SERBP1: variants seen among roughly 807,000 people sequenced by gnomAD.
SERBP1 encodes the protein SERPINE1 mRNA binding protein 1, also known as SERPINE1 mRNA-binding protein 1.
Under a neutral mutation model 50.2 loss-of-function variants are expected in SERBP1, and 6 were observed. The observed-to-expected ratio is 0.12, with a 90% CI of 0.07 to 0.24. The LOEUF (loss-of-function observed/expected upper bound fraction) is 0.24, where lower values mean the gene tolerates loss of function less well. Ranked by LOEUF, SERBP1 falls within the 10% of genes least tolerant of loss-of-function variation. The pLI is 1.00. For missense variants in SERBP1, 346 were observed against 524.9 expected (o/e 0.66, Z 3.33); for synonymous variants, 168 against 182.8 (o/e 0.92, Z 0.65).
chr1:67,415,268 C>A lies in SERBP1; in HGVS notation c.1023G>T (p.Glu341Asp), dbSNP rs763463886. ...KPANDITSQLEINFGDLGRPG... is the reference protein window; with the variant it reads ...KPANDITSQLDINFGDLGRPG... The stretch of plus-strand genomic sequence containing the variant: ...GGCGGCCAAGGTCTCCAAAATTGAT[C>A]TCCAGCTGAGACGTTATATCATTTG... The change falls in exon 7 of 8, where the codon GAG becomes GAT. Residue 341 changes from glutamate (E) to aspartate (D), a missense_variant. Around this residue, in one of 5 missense-constraint regions of SERBP1, gnomAD observed 68 missense variants for 97.3 expected, o/e 0.70. Transcript: ENST00000361219. 1.9e-6 allele frequency: 3 copies of A among 1,612,680 alleles called. No homozygotes were observed. The South Asian group carries it at 3.3e-5, about 18-fold the overall frequency.
Position 67,430,223 on chromosome 1 carries a change from G to A in SERBP1, c.78C>T (p.Asp26=), listed in dbSNP as rs767456799. 5.0e-6 allele frequency: 8 copies of A among 1,595,012 alleles called. No homozygotes were observed. The highest frequency in any genetic ancestry group is 3.6e-5 in the Admixed American group (2 of 54,894). ...CTGCTGCCTTCAGCACCTCGAAGGGGTCCGATTCGTCGTCAAATAACTGGT... is the reference window on the plus strand; with the variant it reads ...CTGCTGCCTTCAGCACCTCGAAGGGATCCGATTCGTCGTCAAATAACTGGT... ...RFDQLFDDES[D]PFEVLKAAEN... is the part of the protein sequence containing the mutation. Residue 26 remains aspartate, a synonymous_variant, in exon 1 of 8, where the codon GAC becomes GAT. Transcript: ENST00000361219.
intron 5 of SERBP1, among the ~76,000 whole-genome samples, chr1:67,421,935 C>CAA (rs1667212085): frequency 6.6e-6 from 1 of 151,722 alleles, no homozygotes. Flanking sequence ...GACTGTGTCT[C>CAA]AAAGAAACAA....
At chr1:67,420,682 T>C (rs1667171360) in intron 5 of SERBP1, 1 of 152,470 alleles carries the variant, frequency 6.6e-6, no homozygotes, top group African/African-American at 2.4e-5. Flanking sequence ...CTCTATGCTT[T>C]GTTTCAGCAA....
chr1:67,428,380 A>C (rs777091146), intron 1 of SERBP1, among the ~76,000 whole-genome samples: 1 of 152,384 alleles, frequency 6.6e-6, no homozygotes, highest in Admixed American at 6.5e-5. Context: ...AAAATAACTC[A>C]GGCATTTAAA....
Position 67,411,834 on chromosome 1 carries a change from A to G in SERBP1, c.*1373T>C, listed in dbSNP as rs902527424. On this transcript the variant is annotated 3_prime_UTR_variant, in exon 8 of 8. Transcript: ENST00000361219. ...AAATTCCTTCACTGTTTATCAATAA[A>G]TGTGGCAGAATAAAAGACAATCCTA... 1 of 152,212 alleles carries G rather than the reference A, an allele frequency of 6.6e-6. No individual in the cohort carries two copies. The allele number at this position is 152,212 out of a possible 1,614,324, so 9.4% of individuals were successfully genotyped here. A position where few individuals can be genotyped will look rare whatever the true frequency, so the allele number is the denominator to read the frequency against.
At chr1:67,419,758 T>C (rs964317406) in intron 6 of SERBP1, 2 of 462,244 alleles carry the variant, frequency 4.3e-6, no homozygotes, top group Non-Finnish European at 7.7e-6. Context: ...TACAAGATAC[T>C]CCACTAACAG....
chr1:67,415,900 A>G (rs1242602923), intron 6 of SERBP1, among the ~76,000 whole-genome samples: 2 of 152,222 alleles, frequency 1.3e-5, no homozygotes, highest in African/African-American at 2.4e-5. Flanking sequence ...GTTTTTCTAC[A>G]CAAATTGGAG....
intron 5 of SERBP1, among the ~76,000 whole-genome samples, chr1:67,422,555 CT>C (rs1425172228): frequency 6.6e-6 from 1 of 151,902 alleles, no homozygotes; most frequent in African/African-American, 2.4e-5. Flanking sequence ...ACATCTGCCC[CT>C]CCCACCCCCC....
rs758118581 is a variant in SERBP1 at position 67,419,990 on chromosome 1, C to A, written c.951+19G>T. The stretch of plus-strand genomic sequence containing the variant: ...AGTCACATCTGAACATTTTCAAACA[C>A]GACAAAACTTAATTTTACCTCTTCA... On this transcript the variant is annotated intron_variant, in intron 6 of 7. Coordinates refer to ENST00000361219, the MANE Select transcript of SERBP1 (RefSeq NM_001018069.2). The A allele has an allele frequency of 5.0e-6, 8 of 1,609,054 alleles. No homozygotes were observed. The Admixed American group carries it at 1.0e-4, about 20-fold the overall frequency.
rs1666871404 is a variant in SERBP1 at position 67,412,354 on chromosome 1, A to G, written c.*853T>C. Reference sequence around the variant, plus strand: ...CCTGGTGAAGGGGGAGAAAAAACCCATACCTATAAAACTACTTCACTTGAC... The same window carrying G: ...CCTGGTGAAGGGGGAGAAAAAACCCGTACCTATAAAACTACTTCACTTGAC... On this transcript the variant is annotated 3_prime_UTR_variant, in exon 8 of 8. Coordinates refer to ENST00000361219, the MANE Select transcript of SERBP1 (RefSeq NM_001018069.2). 6.6e-6 allele frequency: 1 copy of G among 152,510 alleles called. No individual in the cohort carries two copies. The allele number at this position is 152,510 out of a possible 1,614,324, so 9.4% of individuals were successfully genotyped here. A position where few individuals can be genotyped will look rare whatever the true frequency, so the allele number is the denominator to read the frequency against.
intron 6 of SERBP1, 112 bp downstream of exon 6, chr1:67,419,897 C>A: frequency 1.2e-6 from 1 of 855,550 alleles, no homozygotes; most frequent in Admixed American, 2.7e-5. Context: ...CCAAATGATC[C>A]TATGTAAAGC....
At chr1:67,422,579 T>C (rs1667236086) in intron 5 of SERBP1, among the ~76,000 whole-genome samples, 1 of 149,880 alleles carries the variant, frequency 6.7e-6, no homozygotes, top group Non-Finnish European at 1.5e-5. Context: ...CTAACTTGAA[T>C]ATGCTTCTGG....
chr1:67,428,428 A>C (rs1007166128), intron 1 of SERBP1, among the ~76,000 whole-genome samples: 1 of 152,234 alleles, frequency 6.6e-6, no homozygotes, highest in African/African-American at 2.4e-5. Context: ...ATGAGTGAAC[A>C]CATCTACCTG....
chr1:67,427,322 G>A (rs542644335), intron 1 of SERBP1, among the ~76,000 whole-genome samples: 4 of 152,166 alleles, frequency 2.6e-5, no homozygotes, highest in Admixed American at 2.0e-4. Context: ...TGCCCATAAG[G>A]ATCAACAGAT....
At chr1:67,417,971 GTTTT>G (rs397861816) in intron 6 of SERBP1, among the ~76,000 whole-genome samples, 5 of 76,828 alleles carry the variant, frequency 6.5e-5, no homozygotes, top group African/African-American at 2.2e-4. Context: ...TTAAAGTGTT[GTTTT>G]TTTTTTTTTT....
chr1:67,429,925 G>A (rs1285374791), intron 1 of SERBP1, 63 bp downstream of exon 1: 8 of 1,485,768 alleles, frequency 5.4e-6, no homozygotes, highest in Non-Finnish European at 5.4e-6. Flanking sequence ...ACAAGTGGCA[G>A]CCGGCAGCCC....
In SERBP1 at chr1:67,409,660, A is replaced by G. The variant is rs1666765371; in HGVS notation, c.*3547T>C. On this transcript the variant is annotated 3_prime_UTR_variant, in exon 8 of 8. Coordinates refer to ENST00000361219, the MANE Select transcript of SERBP1 (RefSeq NM_001018069.2). Reference sequence around the variant, plus strand: ...TCCTCAGCCTGAAAGATTTATTTCAATCACTTCACATAACCTCCAAATTTG... The same window carrying G: ...TCCTCAGCCTGAAAGATTTATTTCAGTCACTTCACATAACCTCCAAATTTG... 1 of 152,170 alleles carries G rather than the reference A, an allele frequency of 6.6e-6. No homozygotes were observed. Among genetic ancestry groups the G allele is most frequent in the Admixed American group, 6.6e-5 (1 of 15,266 alleles). 9.4% of individuals were successfully genotyped at this position (152,170 alleles called of 1,614,324 possible). A position where few individuals can be genotyped will look rare whatever the true frequency, so the allele number is the denominator to read the frequency against.
intron 5 of SERBP1, among the ~76,000 whole-genome samples, chr1:67,423,367 G>A (rs1667266518): frequency 6.6e-6 from 1 of 151,894 alleles, no homozygotes. Flanking sequence ...AGCACTTTGG[G>A]AGGCCAAGGT....
intron 6 of SERBP1, among the ~76,000 whole-genome samples, chr1:67,417,046 G>C (rs776863135): frequency 1.3e-5 from 2 of 152,174 alleles, no homozygotes; most frequent in Non-Finnish European, 2.9e-5. Flanking sequence ...AGGGCTGCTT[G>C]AGTCCAGGAG....
Sources: allele counts gnomAD v4.1 joint callset (sites outside exome capture counted in the v4.1 genomes callset), GRCh38; gene constraint gnomAD v4.1.1; regional missense constraint gnomAD v4.1.1; transcripts MANE v1.5; gene names NCBI Gene and HGNC (gene_info 2026-07-23, HGNC 2026-07-21).